The following IFT43 variants were observed in gnomAD, a reference collection of about 807,000 sequenced individuals.
The protein encoded by IFT43 is intraflagellar transport protein 43 homolog.
IFT43 carries 33 observed loss-of-function variants against 32.3 expected under a neutral mutation model. The ratio of observed to expected loss-of-function variants is 1.02; its 90% confidence interval spans 0.77 to 1.37. The LOEUF is 1.37. Ranked by LOEUF, IFT43 falls within the 40% of genes most tolerant of loss-of-function variation. The probability of loss-of-function intolerance (pLI) is 0.00; values close to 1 mark genes in which losing one functional copy is unlikely to be tolerated. For synonymous variants in IFT43, 93 were observed against 98.2 expected, an observed-to-expected ratio of 0.95 and a Z score of 0.31; for missense variants, 274 against 265.9, an observed-to-expected ratio of 1.03 and a Z score of -0.21.
At chr14:76,002,882 G>GT (rs1168392227) in intron 2 of IFT43, among the ~76,000 whole-genome samples, 11 of 152,234 alleles carry the variant, frequency 7.2e-5, no homozygotes, top group Non-Finnish European at 1.3e-4. Context: ...AACGAAGTCC[G>GT]TGGGGGAAGC....
At chr14:76,013,976 C>A in intron 2 of IFT43, 1 of 236,312 alleles carries the variant, frequency 4.2e-6, no homozygotes, top group African/African-American at 2.3e-5. Context: ...AAGCCAGCAA[C>A]CAAAACTGAC....
intron 2 of IFT43, 85 bp downstream of exon 2, chr14:75,989,062 AT>A: frequency 6.6e-7 from 1 of 1,512,056 alleles, no homozygotes; most frequent in Middle Eastern, 1.8e-4. Context: ...GGTATTCCAT[AT>A]TTCTTCTCTT....
chr14:76,065,658 T>G (rs2037214802), intron 5 of IFT43, among the ~76,000 whole-genome samples: 1 of 152,236 alleles, frequency 6.6e-6, no homozygotes, highest in African/African-American at 2.4e-5. Context: ...GAGATTCATC[T>G]AAGCTGTTGC....
At chr14:76,016,014 GA>G (rs2036180780) in intron 2 of IFT43, among the ~76,000 whole-genome samples, 1 of 152,110 alleles carries the variant, frequency 6.6e-6, no homozygotes, top group Non-Finnish European at 1.5e-5. Flanking sequence ...TTTTTAATGG[GA>G]CTTTTTTGGG....
At chr14:76,023,491 TC>T (rs2036332664) in intron 3 of IFT43, among the ~76,000 whole-genome samples, 1 of 152,244 alleles carries the variant, frequency 6.6e-6, no homozygotes, top group South Asian at 2.1e-4. Context: ...TAAAAATAGT[TC>T]TTACTTGAAA....
At chr14:76,013,988 AAGTAATCC>A (rs2036134050) in intron 2 of IFT43, 1 of 236,902 alleles carries the variant, frequency 4.2e-6, no homozygotes, top group African/African-American at 2.3e-5. Flanking sequence ...AAAACTGACC[AAGTAATCC>A]AGGCTGTCAT....
chr14:76,048,433 C>A (rs2036849854), intron 3 of IFT43, among the ~76,000 whole-genome samples: 1 of 152,248 alleles, frequency 6.6e-6, no homozygotes, highest in Admixed American at 6.5e-5. Context: ...GGTTAAAATT[C>A]TCCGAACATA....
At chr14:76,048,497 A>G (rs1203553906) in intron 3 of IFT43, among the ~76,000 whole-genome samples, 2 of 152,198 alleles carry the variant, frequency 1.3e-5, no homozygotes, top group Admixed American at 6.5e-5. Context: ...AATAAAATGC[A>G]TCTGTGAACA....
intron 2 of IFT43, among the ~76,000 whole-genome samples, chr14:76,006,373 G>A (rs955794390): frequency 3.3e-5 from 5 of 152,170 alleles, no homozygotes; most frequent in African/African-American, 1.2e-4. Context: ...TTTCATGTTA[G>A]GCCATTGTCA....
intron 5 of IFT43, among the ~76,000 whole-genome samples, chr14:76,080,973 C>G (rs2037500373): frequency 6.6e-6 from 1 of 152,226 alleles, no homozygotes; most frequent in South Asian, 2.1e-4. Context: ...CTATTTTTAT[C>G]CCTTTTCACT....
intron 2 of IFT43, among the ~76,000 whole-genome samples, chr14:75,993,841 G>A (rs933385950): frequency 6.6e-6 from 1 of 152,162 alleles, no homozygotes; most frequent in African/African-American, 2.4e-5. Flanking sequence ...AGAGTTCAAG[G>A]TGCATGCCAG....
chr14:76,000,761 T>C (rs921963965), intron 2 of IFT43, among the ~76,000 whole-genome samples: 1 of 151,966 alleles, frequency 6.6e-6, no homozygotes, highest in African/African-American at 2.4e-5. Context: ...CTGTTGGAAG[T>C]GGGAGAGAAG....
chr14:76,036,816 C>T lies in IFT43; in HGVS notation c.215+14422C>T, dbSNP rs539228601. 1.7e-3 allele frequency among the ~76,000 whole-genome samples: 260 copies of T among 152,118 alleles called. 1 individual carries two copies. Among genetic ancestry groups the T allele is most frequent in the Non-Finnish European group, 2.3e-3 (159 of 67,986 alleles). ...CTCCCTCCCTTCCTTCCTTCCCTCC[C>T]TCTGTCCCTCCCTCCCTCCTTCTTT... On this transcript the variant is annotated intron_variant, in intron 3 of 8. Coordinates refer to ENST00000314067, the MANE Select transcript of IFT43 (RefSeq NM_001102564.3).
At chr14:76,034,885 GC>G (rs2036571202) in intron 3 of IFT43, among the ~76,000 whole-genome samples, 1 of 152,200 alleles carries the variant, frequency 6.6e-6, no homozygotes, top group Non-Finnish European at 1.5e-5. Context: ...CTCTGAAGTT[GC>G]CCGAGGTAGG....
chr14:76,052,912 G>A (rs1437068079), intron 3 of IFT43, among the ~76,000 whole-genome samples: 4 of 152,182 alleles, frequency 2.6e-5, no homozygotes, highest in African/African-American at 4.8e-5. Context: ...GAAAATATTA[G>A]TTGGATTTGA....
At chr14:76,058,400 T>C in intron 3 of IFT43, 1 of 459,790 alleles carries the variant, frequency 2.2e-6, no homozygotes, top group Non-Finnish European at 4.0e-6. Context: ...TCGCTCAACC[T>C]GCACTTACAC....
At chr14:76,083,949 TGG>T, downstream of IFT43, 1 of 465,332 alleles carries the variant, frequency 2.1e-6, no homozygotes, top group South Asian at 1.5e-5. Context: ...GCTGGGGTTC[TGG>T]GGCGGGGCCT....
intron 3 of IFT43, among the ~76,000 whole-genome samples, chr14:76,039,927 T>C (rs2036675899): frequency 6.6e-6 from 1 of 152,216 alleles, no homozygotes; most frequent in African/African-American, 2.4e-5. Flanking sequence ...CTTGCTGATC[T>C]TTCTGAATCT....
intron 8 of IFT43, 70 bp from the exon 9 acceptor site, chr14:76,083,387 GA>G: frequency 6.2e-7 from 1 of 1,613,958 alleles, no homozygotes; most frequent in Admixed American, 1.7e-5. Flanking sequence ...GCCTGGATGG[GA>G]GGGAGAAGTC....
Sources: allele counts gnomAD v4.1 joint callset (sites outside exome capture counted in the v4.1 genomes callset), GRCh38; gene constraint gnomAD v4.1.1; transcripts MANE v1.5; gene names NCBI Gene and HGNC (gene_info 2026-07-23, HGNC 2026-07-21).